The following RPS6KA5 variants were observed in gnomAD, a reference collection of about 807,000 sequenced individuals.
RPS6KA5 encodes ribosomal protein S6 kinase alpha-5.
Under a neutral mutation model 85.5 loss-of-function variants are expected in RPS6KA5, and 27 were observed. That is an observed-to-expected ratio of 0.32 (90% CI 0.23 to 0.44). The LOEUF (loss-of-function observed/expected upper bound fraction) is 0.44, where lower values mean the gene tolerates loss of function less well. Among genes scored for constraint, RPS6KA5 ranks in the 20% least tolerant of loss-of-function variants. RPS6KA5 has a pLI of 1.00. For missense variants in RPS6KA5, 811 were observed against 980.9 expected, an observed-to-expected ratio of 0.83 and a Z score of 2.31; for synonymous variants, 334 against 348.2, an observed-to-expected ratio of 0.96 and a Z score of 0.46.
At chr14:91,014,121 AAG>A (rs2041378931) in intron 1 of RPS6KA5, among the ~76,000 whole-genome samples, 1 of 152,376 alleles carries the variant, frequency 6.6e-6, no homozygotes, top group East Asian at 1.9e-4. Flanking sequence ...ATATGCCAAA[AAG>A]AGTGAACTTT....
chr14:90,874,763 C>T (rs939367431), intron 15 of RPS6KA5, among the ~76,000 whole-genome samples: 5 of 152,090 alleles, frequency 3.3e-5, no homozygotes, highest in South Asian at 2.1e-4. Context: ...AGGAAGGGAC[C>T]GGACTGCTAG....
At chr14:90,920,887 T>G (rs1443302952) in intron 6 of RPS6KA5, among the ~76,000 whole-genome samples, 2 of 152,038 alleles carry the variant, frequency 1.3e-5, no homozygotes, top group African/African-American at 4.8e-5. Context: ...TTATATATAA[T>G]TTAAAGAATC....
chr14:90,992,298 G>A (rs1432778590), intron 2 of RPS6KA5, among the ~76,000 whole-genome samples: 1 of 152,078 alleles, frequency 6.6e-6, no homozygotes, highest in Non-Finnish European at 1.5e-5. Flanking sequence ...ACTGTCAGCT[G>A]GCAAAAAGGA....
At chr14:90,893,353 G>A (rs988604295) in intron 13 of RPS6KA5, among the ~76,000 whole-genome samples, 1 of 152,146 alleles carries the variant, frequency 6.6e-6, no homozygotes, top group African/African-American at 2.4e-5. Flanking sequence ...TTAATTACTA[G>A]TACTGTGAAT....
intron 3 of RPS6KA5, among the ~76,000 whole-genome samples, chr14:90,951,135 A>AAAGAG (rs1555367275): frequency 4.1e-5 from 6 of 146,546 alleles, no homozygotes; most frequent in East Asian, 4.2e-4. Context: ...AAAAAAAAAA[A>AAAGAG]AGAGAGAGAG....
At chr14:91,053,691 T>C (rs889943883) in intron 1 of RPS6KA5, among the ~76,000 whole-genome samples, 1 of 152,214 alleles carries the variant, frequency 6.6e-6, no homozygotes, top group Non-Finnish European at 1.5e-5. Context: ...TTGAAAGTAA[T>C]TGAAGACAAC....
At chr14:91,055,140 A>T (rs925107452) in intron 1 of RPS6KA5, among the ~76,000 whole-genome samples, 1 of 152,210 alleles carries the variant, frequency 6.6e-6, no homozygotes, top group African/African-American at 2.4e-5. Flanking sequence ...GCTGTGAAGG[A>T]ACTGGAGGCC....
At chr14:91,059,862 C>G (rs1442135827) in intron 1 of RPS6KA5, among the ~76,000 whole-genome samples, 1 of 152,246 alleles carries the variant, frequency 6.6e-6, no homozygotes, top group African/African-American at 2.4e-5. Flanking sequence ...ACCCCAGCAC[C>G]TTAGGGGATG....
intron 5 of RPS6KA5, among the ~76,000 whole-genome samples, chr14:90,936,776 A>G (rs2037282071): frequency 6.6e-6 from 1 of 152,182 alleles, no homozygotes; most frequent in South Asian, 2.1e-4. Context: ...GAAACATCAA[A>G]CATACATAAA....
In RPS6KA5 at chr14:90,906,288, T is replaced by C; in HGVS notation, c.818A>G (p.Lys273Arg). 3.1e-6 allele frequency: 5 copies of C among 1,605,400 alleles called. No homozygotes were observed. Among genetic ancestry groups the C allele is most frequent in the Non-Finnish European group, 4.3e-6 (5 of 1,173,818 alleles). The change falls in exon 8 of 17, where the codon AAA becomes AGA. Residue 273 changes from lysine to arginine, a missense_variant. Lys to Arg is a conservative substitution (Grantham distance 26, BLOSUM62 2). Transcript: ENST00000614987. ...TTCTTGGGGATATGGAGGCTCACTT[T>C]TTAATATTCTCCTGTAGGCAGACAA... is the stretch of plus-strand genomic sequence containing the variant. ...SQAEISRRILKSEPPYPQEMS... is the reference protein window; with the variant it reads ...SQAEISRRILRSEPPYPQEMS...
rs1238528630 is a variant in RPS6KA5, at chr14:90,862,988, A to G, written c.*9086T>C. ...TAGAAATAAAACAATCTGCTATATG[A>G]TATCTATAAAAAAATTAAATAAAAC... On this transcript the variant is annotated 3_prime_UTR_variant, in exon 17 of 17. Transcript: ENST00000614987. 2 of 152,136 alleles carry G rather than the reference A, an allele frequency of 1.3e-5. No homozygotes were observed. Among genetic ancestry groups the G allele is most frequent in the Admixed American group, 6.5e-5 (1 of 15,268 alleles). The allele number at this position is 152,136 out of a possible 1,614,324, so 9.4% of individuals were successfully genotyped here.
intron 8 of RPS6KA5, among the ~76,000 whole-genome samples, chr14:90,903,182 C>T (rs919007028): frequency 2.0e-5 from 3 of 152,130 alleles, no homozygotes; most frequent in East Asian, 1.9e-4. Flanking sequence ...ATGAGACTAT[C>T]GCTGTTGAAT....
chr14:90,934,223 A>G (rs1595258342), intron 5 of RPS6KA5, among the ~76,000 whole-genome samples: 1 of 152,226 alleles, frequency 6.6e-6, no homozygotes, highest in East Asian at 1.9e-4. Context: ...GAGACATTCA[A>G]TGAATATTCA....
At chr14:90,983,458 G>T (rs1271525579) in intron 2 of RPS6KA5, among the ~76,000 whole-genome samples, 2 of 151,696 alleles carry the variant, frequency 1.3e-5, no homozygotes, top group African/African-American at 4.8e-5. Flanking sequence ...AAATTATGTG[G>T]GTGTGGTGGG....
chr14:90,991,179 C>A (rs1300799134), intron 2 of RPS6KA5, among the ~76,000 whole-genome samples: 1 of 151,952 alleles, frequency 6.6e-6, no homozygotes, highest in African/African-American at 2.4e-5. Context: ...AAAAACTGCA[C>A]GAAAATGTTG....
intron 1 of RPS6KA5, among the ~76,000 whole-genome samples, chr14:91,004,998 A>G (rs2040957592): frequency 6.6e-6 from 1 of 151,852 alleles, no homozygotes; most frequent in East Asian, 1.9e-4. Context: ...ACAAAAAAAC[A>G]AAAAAACAGT....
At chr14:91,041,818 T>G (rs1380083853) in intron 1 of RPS6KA5, among the ~76,000 whole-genome samples, 1 of 152,254 alleles carries the variant, frequency 6.6e-6, no homozygotes, top group Non-Finnish European at 1.5e-5. Flanking sequence ...AGACTTACTG[T>G]ACTTCTGGTG....
Position 90,899,411 on chromosome 14 carries a change from T to C in RPS6KA5, c.1391A>G (p.Asn464Ser), listed in dbSNP as rs372449079. 48 of 1,612,770 alleles carry C rather than the reference T, an allele frequency of 3.0e-5. No homozygotes were observed. The highest frequency in any genetic ancestry group is 3.6e-5 in the Non-Finnish European group (43 of 1,179,056). ...CAGAGCTGTTATTTCCTTTTGAGTA[T>C]TGGCTTCCATCCTGCAAGATGAGAC... ...VKIISKRMEA[N>S]TQKEITALKL... Residue 464 changes from asparagine to serine, a missense_variant, in exon 12 of 17, where the codon AAT becomes AGT. By Grantham distance (46) the Asn-to-Ser change is conservative (BLOSUM62 1). Around this residue, in one of 3 missense-constraint regions of RPS6KA5, gnomAD observed 650 missense variants for 793.4 expected, o/e 0.82. Transcript: ENST00000614987.
At chr14:91,021,119 C>T (rs1006334236) in intron 1 of RPS6KA5, among the ~76,000 whole-genome samples, 16 of 152,196 alleles carry the variant, frequency 1.1e-4, no homozygotes, top group Middle Eastern at 3.4e-3. Flanking sequence ...ATGAAAAATA[C>T]GCTGTTCTTC....
Sources: allele counts gnomAD v4.1 joint callset (sites outside exome capture counted in the v4.1 genomes callset), GRCh38; gene constraint gnomAD v4.1.1; regional missense constraint gnomAD v4.1.1; transcripts MANE v1.5; gene names NCBI Gene and HGNC (gene_info 2026-07-23, HGNC 2026-07-21).